Variants in IQCH observed in about 807,000 individuals in gnomAD.
IQCH encodes IQ motif containing H, also known as IQ domain-containing protein H.
In IQCH, 98 loss-of-function variants were observed where a neutral mutation model predicts 117.0. That is an observed-to-expected ratio of 0.84 (90% confidence interval 0.71 to 0.99). The LOEUF is 0.99. Among genes scored for constraint, IQCH ranks in the 50% least tolerant of loss-of-function variants. The pLI is 0.00. For synonymous variants in IQCH, 412 were observed against 448.2 expected (o/e 0.92, Z 1.02); for missense variants, 1,102 against 1,243.8 (o/e 0.89, Z 1.72).
chr15:67,266,106 G>T (rs905539468), intron 3 of IQCH, among the ~76,000 whole-genome samples: 2 of 150,958 alleles, frequency 1.3e-5, no homozygotes, highest in Non-Finnish European at 3.0e-5. Context: ...AAGGATTTGG[G>T]CATATATTCA....
chr15:67,388,934 G>T lies in IQCH; in HGVS notation c.1560G>T (p.Gly520=). The change falls in exon 12 of 21, where the codon GGG becomes GGT. Residue 520 remains glycine, a synonymous_variant. Coordinates refer to ENST00000335894, the MANE Select transcript of IQCH (RefSeq NM_001031715.3). The surrounding 1 kb of genome is among the most constrained non-coding windows in gnomAD (Gnocchi z 5.5). ...ILSLHAAVKS[G]NLEDRSDLQD... ...GTCTACATGCAGCCGTCAAATCTGG[G>T]AACCTTGAGGACAGAAGTGACCTGC... The T allele has an allele frequency of 6.2e-7, 1 of 1,613,990 alleles. No homozygotes were observed. The highest frequency in any genetic ancestry group is 8.5e-7 in the Non-Finnish European group (1 of 1,179,892).
chr15:67,299,223 A>G (rs1299907045), intron 4 of IQCH, among the ~76,000 whole-genome samples: 5 of 152,102 alleles, frequency 3.3e-5, no homozygotes, highest in African/African-American at 9.7e-5. Flanking sequence ...AATTAAAACA[A>G]TTGAATTCAC....
Position 67,472,780 on chromosome 15 carries a change from C to T in IQCH, c.2677-2916C>T, listed in dbSNP as rs1267025704. 6.6e-6 allele frequency among the ~76,000 whole-genome samples: 1 copy of T among 152,134 alleles called. No homozygotes were observed. The highest frequency in any genetic ancestry group is 1.5e-5 in the Non-Finnish European group (1 of 68,026). On this transcript the variant is annotated intron_variant, in intron 17 of 20. Coordinates refer to ENST00000335894, the MANE Select transcript of IQCH (RefSeq NM_001031715.3). This position sits in a 1 kb window ranked among gnomAD's most constrained non-coding sequence, Gnocchi z 4.3. ...ACTCTCCAGGCAATAAAGGTCTGGA[C>T]TAGGATGGTGATGGTTATGGAAAAG...
rs1044035063 is a variant in IQCH at position 67,474,602 on chromosome 15, C to A, written c.2677-1094C>A. Among the ~76,000 whole-genome samples the A allele has an allele frequency of 2.6e-5, 4 of 152,156 alleles. No individual in the cohort carries two copies. Among genetic ancestry groups the A allele is most frequent in the African/African-American group, 9.7e-5 (4 of 41,446 alleles). On this transcript the variant is annotated intron_variant, in intron 17 of 20. Coordinates refer to ENST00000335894, the MANE Select transcript of IQCH (RefSeq NM_001031715.3). The surrounding 1 kb of genome is among the most constrained non-coding windows in gnomAD (Gnocchi z 4.1). ...GGCCTACTATCACCAATCTCTTTGG[C>A]ATGGCTTTCACTGATAGACAAGCAA...
intron 4 of IQCH, among the ~76,000 whole-genome samples, chr15:67,326,286 A>G (rs1412313215): frequency 6.6e-6 from 1 of 152,202 alleles, no homozygotes; most frequent in Non-Finnish European, 1.5e-5. Context: ...GTCCCTACAA[A>G]GGACATGAGC....
chr15:67,335,068 C>T (rs532860856), intron 4 of IQCH, among the ~76,000 whole-genome samples: 3 of 152,124 alleles, frequency 2.0e-5, no homozygotes, highest in Admixed American at 6.5e-5. Context: ...CACACACACA[C>T]GTGCACACAC....
rs1971267542 is a variant in IQCH at position 67,390,973 on chromosome 15, T to C, written c.1632+1967T>C. Among the ~76,000 whole-genome samples, 3 of 152,236 alleles carry C rather than the reference T, an allele frequency of 2.0e-5. 1 individual carries two copies. The South Asian group carries it at 6.2e-4, about 32-fold the overall frequency. ...TCATGAGTTGGAATGACTGCCTTGC[T>C]CCTGGATGACCTGTGGCCTTGGGCA... On this transcript the variant is annotated intron_variant, in intron 12 of 20. Coordinates refer to ENST00000335894, the MANE Select transcript of IQCH (RefSeq NM_001031715.3). The surrounding 1 kb of genome is among the most constrained non-coding windows in gnomAD (Gnocchi z 5.0).
chr15:67,285,531 C>G (rs1966528495), intron 4 of IQCH, among the ~76,000 whole-genome samples: 1 of 152,112 alleles, frequency 6.6e-6, no homozygotes, highest in Non-Finnish European at 1.5e-5. Context: ...GTGCCCATGC[C>G]TATGTCCTGA....
At chr15:67,438,099 G>A (rs1054380931) in intron 16 of IQCH, among the ~76,000 whole-genome samples, 14 of 152,158 alleles carry the variant, frequency 9.2e-5, no homozygotes, top group African/African-American at 3.4e-4. Context: ...ATTGTCATCA[G>A]GTTATCCAAA....
At chr15:67,378,987 TTTA>T (rs1970830073) in intron 10 of IQCH, among the ~76,000 whole-genome samples, 1 of 152,212 alleles carries the variant, frequency 6.6e-6, no homozygotes, top group African/African-American at 2.4e-5. Context: ...TTTTAAAATG[TTTA>T]TTAACTTCTT....
At chr15:67,333,054 T>A (rs139845460) in intron 4 of IQCH, among the ~76,000 whole-genome samples, 216 of 152,332 alleles carry the variant, frequency 1.4e-3, no homozygotes, top group African/African-American at 5.0e-3. Context: ...CTTTTCTCTG[T>A]GTCCTCACAT....
chr15:67,290,964 A>G (rs2140502181), intron 4 of IQCH, among the ~76,000 whole-genome samples: 1 of 152,238 alleles, frequency 6.6e-6, no homozygotes, highest in East Asian at 1.9e-4. Context: ...AGGAACACTA[A>G]ACTTTCTATA....
chr15:67,491,646 A>T lies in IQCH; in HGVS notation c.2861+1582A>T, dbSNP rs1596492455. 6.6e-6 allele frequency among the ~76,000 whole-genome samples: 1 copy of T among 152,248 alleles called. No homozygotes were observed. The highest frequency in any genetic ancestry group is 2.4e-5 in the African/African-American group (1 of 41,558). On this transcript the variant is annotated intron_variant, in intron 19 of 20. Transcript: ENST00000335894. The surrounding 1 kb of genome is among the most constrained non-coding windows in gnomAD (Gnocchi z 4.9). ...CTGATAGCAACAGAAATGAGACCTC[A>T]ATCCATAACATCCCAACAAGCTTGC...
intron 16 of IQCH, among the ~76,000 whole-genome samples, chr15:67,440,718 AATGTAG>A (rs2082246716): frequency 6.6e-6 from 1 of 152,214 alleles, no homozygotes; most frequent in African/African-American, 2.4e-5. Context: ...GACATAACTT[AATGTAG>A]TACAAGCCAT....
chr15:67,458,731 G>GA lies in IQCH; in HGVS notation c.2506-6390dup, dbSNP rs2082718252. Among the ~76,000 whole-genome samples the GA allele has an allele frequency of 6.6e-6, 1 of 152,200 alleles. No individual in the cohort carries two copies. Among genetic ancestry groups the GA allele is most frequent in the African/African-American group, 2.4e-5 (1 of 41,452 alleles). Reference sequence around the variant, plus strand: ...TGACCGAGCACTTGGTCTTACTCTAGAAAAAATCAAGTGGTCCAATGCTGG... The same window carrying GA: ...TGACCGAGCACTTGGTCTTACTCTAGAAAAAAATCAAGTGGTCCAATGCTGG... On this transcript the variant is annotated intron_variant, in intron 16 of 20. Transcript: ENST00000335894. The surrounding 1 kb of genome is among the most constrained non-coding windows in gnomAD (Gnocchi z 4.1).
chr15:67,266,513 C>A (rs1965678058), intron 3 of IQCH, among the ~76,000 whole-genome samples: 1 of 152,062 alleles, frequency 6.6e-6, no homozygotes, highest in Non-Finnish European at 1.5e-5. Context: ...AAAAATTAGC[C>A]AGGCGTGGTG....
chr15:67,433,651 C>T lies in IQCH; in HGVS notation c.2505+12074C>T, dbSNP rs1006591757. ...CTTAGGGATCTTTAACTTGAATCAC[C>T]AGAAACATGGCCAGGGCGAGGAAAA... On this transcript the variant is annotated intron_variant, in intron 16 of 20. Coordinates refer to ENST00000335894, the MANE Select transcript of IQCH (RefSeq NM_001031715.3). This position sits in a 1 kb window ranked among gnomAD's most constrained non-coding sequence, Gnocchi z 5.4. Among the ~76,000 whole-genome samples, 1 of 152,156 alleles carries T rather than the reference C, an allele frequency of 6.6e-6. No homozygotes were observed. Among genetic ancestry groups the T allele is most frequent in the Non-Finnish European group, 1.5e-5 (1 of 68,028 alleles).
chr15:67,352,313 A>T (rs879270654), intron 6 of IQCH, among the ~76,000 whole-genome samples: 4 of 151,928 alleles, frequency 2.6e-5, no homozygotes, highest in South Asian at 2.1e-4. Context: ...GTATCTTTTT[A>T]AAAAAACCCA....
chr15:67,470,781 ACCT>A (rs147823844), intron 17 of IQCH, among the ~76,000 whole-genome samples: 4,820 of 152,214 alleles, frequency 0.032, 104 homozygotes, highest in Non-Finnish European at 0.046. Flanking sequence ...ACATGGACAA[ACCT>A]CCTTTCCATT....
Sources: gnomAD v4.1 joint callset for allele counts (sites outside exome capture counted in the v4.1 genomes callset) on GRCh38, gnomAD v4.1.1 for gene constraint, Gnocchi (gnomAD v3.1) non-coding constraint, MANE v1.5 for transcripts, NCBI Gene and HGNC (gene_info 2026-07-23, HGNC 2026-07-21) for gene names.